The following OCA2 variants were observed in gnomAD, a reference collection of about 807,000 sequenced individuals.
OCA2 encodes the protein P protein.
A neutral mutation model predicts 100.2 loss-of-function variants in OCA2; 77 were observed. That is an observed-to-expected ratio of 0.77 (90% CI 0.64 to 0.93). The LOEUF is 0.93. Ranked by LOEUF, OCA2 falls within the 40% of genes least tolerant of loss-of-function variation. The probability of loss-of-function intolerance (pLI) is 0.00; values close to 1 mark genes in which losing one functional copy is unlikely to be tolerated. For synonymous variants in OCA2, 432 were observed against 439.2 expected (o/e 0.98, Z 0.21); for missense variants, 1,062 against 1,089.1 (o/e 0.98, Z 0.35).
chr15:27,925,022 A>G (rs1486639189), intron 19 of OCA2, among the ~76,000 whole-genome samples: 3 of 152,336 alleles, frequency 2.0e-5, no homozygotes, highest in Non-Finnish European at 4.4e-5. Flanking sequence ...ATAAAGTTCA[A>G]TTCATTTGGA....
At position 27,815,869 on chromosome 15, in the gene OCA2, C is replaced by T. The variant is rs144989622; in HGVS notation, c.2432+29090G>A. Among the ~76,000 whole-genome samples the T allele has an allele frequency of 4.2e-3, 638 of 152,352 alleles. 5 individuals carry two copies. The highest frequency in any genetic ancestry group is 0.014 in the African/African-American group (577 of 41,574). The stretch of plus-strand genomic sequence containing the variant: ...ATATTCTGGCTGGGTGGGTGGCTCA[C>T]GCCTATAATCCCAGCACTTTGGGAG... On this transcript the variant is annotated intron_variant, in intron 23 of 23. Transcript: ENST00000354638.
intron 19 of OCA2, among the ~76,000 whole-genome samples, chr15:27,907,476 C>A (rs1266419363): frequency 6.6e-6 from 1 of 151,510 alleles, no homozygotes; most frequent in Non-Finnish European, 1.5e-5. Context: ...AAAACAAAGT[C>A]CACCAAATAA....
intron 14 of OCA2, among the ~76,000 whole-genome samples, chr15:27,979,612 TAG>T (rs2041080022): frequency 6.6e-6 from 1 of 152,158 alleles, no homozygotes; most frequent in African/African-American, 2.4e-5. Context: ...GCGGTTGCTT[TAG>T]AGTTTATCAT....
At position 27,805,816 on chromosome 15, in the gene OCA2, C is replaced by A. The variant is rs796547570; in HGVS notation, c.2432+39143G>T. On this transcript the variant is annotated intron_variant, in intron 23 of 23. Coordinates refer to ENST00000354638, the MANE Select transcript of OCA2 (RefSeq NM_000275.3). The stretch of plus-strand genomic sequence containing the variant: ...GAGGCTTCGGGAGTGTCCAGGAGAC[C>A]CAGGCGGCGGGAACAGCCAGAGCGA... Among the ~76,000 whole-genome samples, 58 of 152,188 alleles carry A rather than the reference C, an allele frequency of 3.8e-4. 1 individual carries two copies. Among genetic ancestry groups the A allele is most frequent in the African/African-American group, 1.3e-3 (56 of 41,544 alleles).
chr15:27,963,950 A>T (rs1367462779), intron 15 of OCA2, among the ~76,000 whole-genome samples: 1 of 152,166 alleles, frequency 6.6e-6, no homozygotes, highest in Non-Finnish European at 1.5e-5. Flanking sequence ...TAAAAGGATA[A>T]TGAAAGAATA....
intron 23 of OCA2, among the ~76,000 whole-genome samples, chr15:27,834,636 G>C (rs777937205): frequency 6.6e-6 from 1 of 152,146 alleles, no homozygotes. Flanking sequence ...CAATAGCTCC[G>C]GGTAATTGGT....
chr15:27,958,040 AGGGCCTGTTGT>A (rs1035878512), intron 15 of OCA2, among the ~76,000 whole-genome samples: 2 of 152,136 alleles, frequency 1.3e-5, no homozygotes, highest in South Asian at 4.1e-4. Context: ...ATCACACACC[AGGGCCTGTTGT>A]GGGGTGGGGG....
the OCA2 span, among the ~76,000 whole-genome samples, chr15:27,720,169 T>C: frequency 2.0e-5 from 3 of 152,116 alleles, no homozygotes; most frequent in African/African-American, 7.2e-5. Context: ...CAAATATGCA[T>C]TCCATCGCAT....
intron 12 of OCA2, among the ~76,000 whole-genome samples, chr15:27,985,805 G>A (rs912821739): frequency 2.6e-5 from 4 of 151,548 alleles, no homozygotes; most frequent in South Asian, 4.2e-4. Context: ...CAATTCTCTC[G>A]CCTCAGCCTC....
At chr15:28,052,976 C>T (rs564320718) in intron 2 of OCA2, among the ~76,000 whole-genome samples, 16 of 152,126 alleles carry the variant, frequency 1.1e-4, no homozygotes, top group East Asian at 1.9e-4. Context: ...GCAATGACTG[C>T]GCTGCCAGGT....
intron 18 of OCA2, among the ~76,000 whole-genome samples, chr15:27,942,412 T>C (rs1361339250): frequency 2.6e-5 from 4 of 151,862 alleles, no homozygotes; most frequent in African/African-American, 7.3e-5. Context: ...AAAGACCACA[T>C]GTTAAATGAT....
chr15:28,033,776 A>G (rs957342587), intron 2 of OCA2, among the ~76,000 whole-genome samples: 2 of 152,202 alleles, frequency 1.3e-5, no homozygotes, highest in Non-Finnish European at 2.9e-5. Context: ...AGCTGCTCAA[A>G]CTGGCTTATA....
chr15:28,015,767 T>C (rs555949345), intron 8 of OCA2, among the ~76,000 whole-genome samples: 9 of 152,314 alleles, frequency 5.9e-5, no homozygotes, highest in Admixed American at 6.5e-5. Context: ...AGAGTACCGA[T>C]TGAATATGAA....
intron 21 of OCA2, among the ~76,000 whole-genome samples, chr15:27,868,482 C>T (rs1341064221): frequency 2.0e-5 from 3 of 152,088 alleles, no homozygotes; most frequent in Admixed American, 6.5e-5. Context: ...GGAGCAACAC[C>T]GCCTGATTCC....
intron 19 of OCA2, among the ~76,000 whole-genome samples, chr15:27,894,570 A>G (rs2037607161): frequency 6.6e-6 from 1 of 152,182 alleles, no homozygotes; most frequent in Non-Finnish European, 1.5e-5. Flanking sequence ...GAGTGAGGAG[A>G]CAGTAGCCAT....
At chr15:28,011,789 G>A (rs1002788316) in intron 9 of OCA2, among the ~76,000 whole-genome samples, 2 of 151,880 alleles carry the variant, frequency 1.3e-5, no homozygotes, top group African/African-American at 4.8e-5. Flanking sequence ...GTGGTGGCAC[G>A]CACCTGTAGT....
intron 2 of OCA2, among the ~76,000 whole-genome samples, chr15:28,060,952 T>C (rs1049031163): frequency 6.6e-6 from 1 of 152,204 alleles, no homozygotes; most frequent in Admixed American, 6.5e-5. Context: ...TGAATAGCCT[T>C]CTCTCCTGGG....
At chr15:27,741,021 G>A in the OCA2 span, among the ~76,000 whole-genome samples, 3 of 152,216 alleles carry the variant, frequency 2.0e-5, no homozygotes, top group African/African-American at 7.2e-5. Flanking sequence ...AGCATTTCCA[G>A]AGCTGTGGAT....
chr15:28,015,563 G>A (rs2141235404), intron 8 of OCA2, among the ~76,000 whole-genome samples: 1 of 152,270 alleles, frequency 6.6e-6, no homozygotes, highest in East Asian at 1.9e-4. Context: ...GTCCATACAA[G>A]GAGAGATGAG....
Sources: allele counts gnomAD v4.1 joint callset (sites outside exome capture counted in the v4.1 genomes callset), GRCh38; gene constraint gnomAD v4.1.1; transcripts MANE v1.5; gene names NCBI Gene and HGNC (gene_info 2026-07-23, HGNC 2026-07-21).